Variants in GPSM1 observed in about 807,000 individuals in gnomAD.
GPSM1 encodes G protein signaling modulator 1, also known as G protein-signaling modulator 1.
GPSM1 carries 48 observed loss-of-function variants against 70.5 expected under a neutral mutation model. That is an observed-to-expected ratio of 0.68 (90% confidence interval 0.54 to 0.87). The LOEUF (loss-of-function observed/expected upper bound fraction) is 0.87, where lower values mean the gene tolerates loss of function less well. GPSM1 is among the 40% of genes least tolerant of loss of function. GPSM1 has a pLI of 0.00. For synonymous variants in GPSM1, 416 were observed against 430.1 expected, an observed-to-expected ratio of 0.97 and a Z score of 0.41; for missense variants, 981 against 972.6, an observed-to-expected ratio of 1.01 and a Z score of -0.11.
At chr9:136,357,705 G>A (rs535539002) in intron 13 of GPSM1, among the ~76,000 whole-genome samples, 111 of 152,330 alleles carry the variant, frequency 7.3e-4, no homozygotes, top group African/African-American at 2.5e-3. Flanking sequence ...GGCATCCAAC[G>A]CCGCCCTAGC....
At chr9:136,348,982 C>T (rs1475634061) in intron 10 of GPSM1, among the ~76,000 whole-genome samples, 1 of 152,250 alleles carries the variant, frequency 6.6e-6, no homozygotes, top group Non-Finnish European at 1.5e-5. Context: ...AGGCATGGTC[C>T]TCACACATTT....
rs1564355293 is a variant in GPSM1, at chr9:136,352,192, ACACCGATGCTG to A, written c.1455+2431_1455+2441del. Among the ~76,000 whole-genome samples the A allele has an allele frequency of 1.1e-3, 79 of 74,462 alleles. 32 individuals are homozygous for A. The highest frequency in any genetic ancestry group is 2.7e-3 in the Admixed American group (21 of 7,874). 48.8% of individuals were successfully genotyped at this position (74,462 alleles called of 152,430 possible). The stretch of plus-strand genomic sequence containing the variant: ...CAATGCTGCGCCGTTGCTGTTGGTG[ACACCGATGCTG>A]CGCCGTTGCTGTTGGTGACACCGAT... On this transcript the variant is annotated intron_variant, in intron 11 of 13. Transcript: ENST00000440944.
intron 2 of GPSM1, among the ~76,000 whole-genome samples, chr9:136,335,394 C>A (rs782460731): frequency 8.5e-5 from 13 of 152,148 alleles, no homozygotes; most frequent in Non-Finnish European, 1.8e-4. Context: ...CCAGGCCGTG[C>A]CTCACGGGAG....
At chr9:136,337,636 G>T (rs544071144) in intron 5 of GPSM1, 72 bp downstream of exon 5, 1 of 1,449,144 alleles carries the variant, frequency 6.9e-7, no homozygotes, top group East Asian at 2.5e-5. Context: ...CCCTCTTGGC[G>T]GTCCCTGAAA....
rs782393799 is a variant in GPSM1, at chr9:136,341,011, G to C, written c.1207+18G>C. ...GGCCCAGGGTGAGTTCCAGGGTTGT[G>C]GGGGGGTCTTGCTCCCCACAGGCAC... is the stretch of plus-strand genomic sequence containing the variant. On this transcript the variant is annotated intron_variant, in intron 9 of 13. Coordinates refer to ENST00000440944, the MANE Select transcript of GPSM1 (RefSeq NM_001145638.3). The surrounding 1 kb of genome is among the most constrained non-coding windows in gnomAD (Gnocchi z 6.7). 6.4e-7 allele frequency: 1 copy of C among 1,562,368 alleles called. No homozygotes were observed. The highest frequency in any genetic ancestry group is 8.7e-7 in the Non-Finnish European group (1 of 1,153,682).
intron 11 of GPSM1, among the ~76,000 whole-genome samples, chr9:136,352,511 G>C (rs1832699734): frequency 6.6e-6 from 1 of 152,240 alleles, no homozygotes; most frequent in African/African-American, 2.4e-5. Context: ...TCAGAGGCTG[G>C]AGACAGTGTA....
In GPSM1 at chr9:136,331,771, C is replaced by A. The variant is rs188071990; in HGVS notation, c.69-2676C>A. ...GACGGGATTACCCCAGGGCTCCCCG[C>A]CCCGCTGCTGACGAGGCTGACCCAG... On this transcript the variant is annotated intron_variant, in intron 1 of 13. Transcript: ENST00000440944. 2.3e-4 allele frequency among the ~76,000 whole-genome samples: 35 copies of A among 152,348 alleles called. No individual in the cohort carries two copies. In the East Asian group the frequency reaches 6.8e-3, roughly 29 times the overall value.
intron 11 of GPSM1, among the ~76,000 whole-genome samples, chr9:136,350,303 T>C (rs1353888290): frequency 6.6e-6 from 1 of 152,218 alleles, no homozygotes; most frequent in Non-Finnish European, 1.5e-5. Flanking sequence ...GTCAAGCCTG[T>C]GTATCCTACC....
rs1356728535 is a variant in GPSM1, at chr9:136,355,489, T to C, written c.1456-201T>C. The C allele has an allele frequency of 2.3e-4, 47 of 208,720 alleles. 2 individuals carry two copies. The highest frequency in any genetic ancestry group is 2.1e-3 in the East Asian group (30 of 14,392). 12.9% of individuals were successfully genotyped at this position (208,720 alleles called of 1,614,324 possible). Reference sequence around the variant, plus strand: ...GGGGTAGCCGGGTGCCGAGGGTGGGTGACACGTCCTGGGGGAGGGGTAGCC... The same window carrying C: ...GGGGTAGCCGGGTGCCGAGGGTGGGCGACACGTCCTGGGGGAGGGGTAGCC... On this transcript the variant is annotated intron_variant, in intron 11 of 13. Transcript: ENST00000440944.
At position 136,356,421 on chromosome 9, in the gene GPSM1, C is replaced by A. The variant is rs377665126; in HGVS notation, c.1692C>A (p.Asp564Glu). Residue 564 changes from aspartate to glutamate, a missense_variant, in exon 13 of 14, where the codon GAC becomes GAA. By Grantham distance (45) the Asp-to-Glu change is conservative. Transcript: ENST00000440944. Reference protein sequence around the residue: ...LIASSQSRRLDDQRASVGSLP... With the variant: ...LIASSQSRRLEDQRASVGSLP... The stretch of plus-strand genomic sequence containing the variant: ...CCAGCTCCCAGAGCCGCCGGCTGGA[C>A]GACCAGCGGGCCAGCGTGGGCAGCC... 14 of 1,610,328 alleles carry A rather than the reference C, an allele frequency of 8.7e-6. No individual in the cohort carries two copies. Among genetic ancestry groups the A allele is most frequent in the Non-Finnish European group, 1.0e-5 (12 of 1,178,606 alleles).
At chr9:136,351,916 G>A (rs1473423010) in intron 11 of GPSM1, among the ~76,000 whole-genome samples, 2 of 152,124 alleles carry the variant, frequency 1.3e-5, no homozygotes, top group African/African-American at 4.8e-5. Flanking sequence ...TATGGGGACT[G>A]CAGCGAGGGT....
chr9:136,339,326 T>C (rs868933182), intron 7 of GPSM1, among the ~76,000 whole-genome samples: 1 of 152,202 alleles, frequency 6.6e-6, no homozygotes. Context: ...ACCCAGTGAC[T>C]TGGAGGGTGC....
At chr9:136,334,075 C>T (rs1267233123) in intron 1 of GPSM1, among the ~76,000 whole-genome samples, 1 of 152,182 alleles carries the variant, frequency 6.6e-6, no homozygotes, top group Non-Finnish European at 1.5e-5. Context: ...GGTGCCTGGC[C>T]CCTGCAGCCC....
chr9:136,331,838 G>A (rs950739939), intron 1 of GPSM1: 15 of 395,006 alleles, frequency 3.8e-5, no homozygotes, highest in Non-Finnish European at 6.2e-5. Flanking sequence ...GTCAGGGATT[G>A]GGGAGGCCCC....
chr9:136,327,794 G>T (rs1164527052), intron 1 of GPSM1, 31 bp downstream of exon 1: 1 of 983,354 alleles, frequency 1.0e-6, no homozygotes, highest in Non-Finnish European at 1.3e-6. Context: ...GGCCGGGGCC[G>T]GGGCTGGGAC....
At chr9:136,331,877 C>G (rs1275023021) in intron 1 of GPSM1, 1 of 396,706 alleles carries the variant, frequency 2.5e-6, no homozygotes, top group Non-Finnish European at 4.4e-6. Flanking sequence ...CTGGCAGTCC[C>G]CCGCCGAGCT....
intron 9 of GPSM1, among the ~76,000 whole-genome samples, chr9:136,344,995 G>A (rs28391618): frequency 0.029 from 4,396 of 152,302 alleles, 230 homozygotes; most frequent in African/African-American, 0.097. Context: ...CAGGTGATCC[G>A]GCTCCAGGGA....
Position 136,327,734 on chromosome 9 carries a change from G to A in GPSM1, c.39G>A (p.Pro13=), listed in dbSNP as rs1199314473. 5.9e-4 allele frequency: 699 copies of A among 1,192,194 alleles called. 11 individuals carry two copies. The East Asian group carries it at 0.014, about 24-fold the overall frequency. The allele number at this position is 1,192,194 out of a possible 1,614,324, so 73.9% of individuals were successfully genotyped here. A position where few individuals can be genotyped will look rare whatever the true frequency, so the allele number is the denominator to read the frequency against. ...CCCCGCCCGCGGCCGACGAGCTCCCGGGCCCGGCCGCCAGGCGCCTCTACT... is the reference window on the plus strand; with the variant it reads ...CCCCGCCCGCGGCCGACGAGCTCCCAGGCCCGGCCGCCAGGCGCCTCTACT... ...GPAPPAADEL[P]GPAARRLYSR... Residue 13 remains proline, a synonymous_variant, in exon 1 of 14, where the codon CCG becomes CCA. Transcript: ENST00000440944.
At chr9:136,349,078 C>T (rs535632460) in intron 10 of GPSM1, among the ~76,000 whole-genome samples, 1 of 152,398 alleles carries the variant, frequency 6.6e-6, no homozygotes, top group East Asian at 1.9e-4. Flanking sequence ...CTGCTCCCTG[C>T]CCTCTCGGAC....
Sources: gnomAD v4.1 joint callset for allele counts (sites outside exome capture counted in the v4.1 genomes callset) on GRCh38, gnomAD v4.1.1 for gene constraint, Gnocchi (gnomAD v3.1) non-coding constraint, MANE v1.5 for transcripts, NCBI Gene and HGNC (gene_info 2026-07-23, HGNC 2026-07-21) for gene names.